CNNM2: variants seen among roughly 807,000 people sequenced by gnomAD.
CNNM2 encodes the protein metal transporter CNNM2.
Under a neutral mutation model 66.9 loss-of-function variants are expected in CNNM2, and 12 were observed. That is an observed-to-expected ratio of 0.18 (90% CI 0.11 to 0.29). The LOEUF (loss-of-function observed/expected upper bound fraction) is 0.29. CNNM2 is among the 10% of genes least tolerant of loss of function. The pLI is 1.00. For missense variants in CNNM2, 705 were observed against 1,167.7 expected (o/e 0.60, Z 5.77); for synonymous variants, 557 against 501.8 (o/e 1.11, Z -1.47).
intron 6 of CNNM2, among the ~76,000 whole-genome samples, chr10:103,072,843 T>C (rs1349697934): frequency 6.6e-6 from 1 of 152,228 alleles, no homozygotes; most frequent in African/African-American, 2.4e-5. Context: ...CTCTACTTGT[T>C]GTGAATCCTT....
At chr10:103,009,145 G>A (rs929494806) in intron 1 of CNNM2, among the ~76,000 whole-genome samples, 10 of 152,012 alleles carry the variant, frequency 6.6e-5, no homozygotes, top group Admixed American at 1.3e-4. Context: ...GTGTGGTGGC[G>A]CATGCCTGTT....
Position 103,056,797 on chromosome 10 carries a change from G to A in CNNM2, c.1906G>A (p.Val636Ile). 6.2e-7 allele frequency: 1 copy of A among 1,613,712 alleles called. No homozygotes were observed. Among genetic ancestry groups the A allele is most frequent in the Non-Finnish European group, 8.5e-7 (1 of 1,179,700 alleles). ...TCAAGTTGTGTTTATATCTATAGAA[G>A]TAGAAGCATTTAGCCCATCCCAGAT... is the stretch of plus-strand genomic sequence containing the variant. ...LAMHRFLATE[V>I]EAFSPSQMSE... Residue 636 changes from valine to isoleucine, a missense_variant and splice_region_variant, in exon 4 of 8, where the codon GTA becomes ATA. This residue lies in a region of CNNM2 where 171 missense variants were observed against 304.8 expected (regional missense o/e 0.56). Coordinates refer to ENST00000369878, the MANE Select transcript of CNNM2 (RefSeq NM_017649.5).
chr10:103,063,509 G>A (rs2065424227), intron 4 of CNNM2, among the ~76,000 whole-genome samples: 3 of 152,240 alleles, frequency 2.0e-5, no homozygotes, highest in African/African-American at 4.8e-5. Flanking sequence ...GTGTGGTTGT[G>A]CCCACGCTGG....
intron 6 of CNNM2, among the ~76,000 whole-genome samples, chr10:103,073,799 T>C (rs2065639686): frequency 7.0e-6 from 1 of 143,768 alleles, no homozygotes; most frequent in Admixed American, 7.3e-5. Context: ...GAAGCGGAAC[T>C]TGCAGTGAGC....
chr10:103,077,226 A>AG lies in CNNM2; in HGVS notation c.*49dup, dbSNP rs1554907227. ...CCAGGCCCGCACCCGCCCAGTCCCGAGGGCCCGGCCCTGTCTGCCCATGAC... is the reference window on the plus strand; with the variant it reads ...CCAGGCCCGCACCCGCCCAGTCCCGAGGGGCCCGGCCCTGTCTGCCCATGAC... On this transcript the variant is annotated 3_prime_UTR_variant, in exon 8 of 8. Transcript: ENST00000369878. 1 of 1,563,450 alleles carries AG rather than the reference A, an allele frequency of 6.4e-7. No homozygotes were observed. The highest frequency in any genetic ancestry group is 1.3e-5 in the African/African-American group (1 of 74,104).
rs10883820 is a variant in CNNM2, at chr10:103,004,904, C to A, written c.1622-44803C>A. On this transcript the variant is annotated intron_variant, in intron 1 of 7. Coordinates refer to ENST00000369878, the MANE Select transcript of CNNM2 (RefSeq NM_017649.5). The stretch of plus-strand genomic sequence containing the variant: ...TTTGGATTGTATTGAATCTGTAGAT[C>A]AACTTGAGAAAGAACTAGTGTTTCA... Among the ~76,000 whole-genome samples, 46,937 of 152,058 alleles carry A rather than the reference C, an allele frequency of 0.31. 7,401 individuals carry two copies. Among genetic ancestry groups the A allele is most frequent in the Middle Eastern group, 0.37 (109 of 294 alleles).
chr10:102,986,508 C>T (rs949496206), intron 1 of CNNM2, among the ~76,000 whole-genome samples: 10 of 152,114 alleles, frequency 6.6e-5, no homozygotes, highest in Admixed American at 1.3e-4. Flanking sequence ...TGTGGCTGGG[C>T]GCGGTGGCTC....
At chr10:102,927,406 T>G in intron 1 of CNNM2, 1 of 1,613,508 alleles carries the variant, frequency 6.2e-7, no homozygotes. Flanking sequence ...TAAGAAGCAT[T>G]CTTTCTTTCA....
chr10:102,939,822 T>C (rs1048736079), intron 1 of CNNM2, among the ~76,000 whole-genome samples: 2 of 151,788 alleles, frequency 1.3e-5, no homozygotes, highest in Non-Finnish European at 2.9e-5. Flanking sequence ...AATACAAAAA[T>C]CAGCTGGGCG....
chr10:103,025,003 A>C (rs184720025), intron 1 of CNNM2, among the ~76,000 whole-genome samples: 1 of 152,220 alleles, frequency 6.6e-6, no homozygotes, highest in Admixed American at 6.5e-5. Context: ...TAGGTGGTAC[A>C]TATGGTCTGG....
intron 1 of CNNM2, among the ~76,000 whole-genome samples, chr10:102,970,277 T>G (rs567383366): frequency 6.6e-6 from 1 of 152,362 alleles, no homozygotes; most frequent in African/African-American, 2.4e-5. Context: ...ATTGTGCCCC[T>G]GCACTCCAGT....
intron 1 of CNNM2, among the ~76,000 whole-genome samples, chr10:103,029,567 TA>T (rs2064781706): frequency 6.6e-6 from 1 of 151,694 alleles, no homozygotes; most frequent in Non-Finnish European, 1.5e-5. Context: ...CACAGAGGAC[TA>T]AAAATTCAGA....
intron 1 of CNNM2, among the ~76,000 whole-genome samples, chr10:103,006,730 G>A (rs566646816): frequency 6.6e-6 from 1 of 151,998 alleles, no homozygotes; most frequent in African/African-American, 2.4e-5. Flanking sequence ...TAGCTCAAGC[G>A]GTCCTCCTAC....
Position 103,003,985 on chromosome 10 carries a change from ATTTTTTTTTT to A in CNNM2, c.1622-45705_1622-45696del, listed in dbSNP as rs869152743. Among the ~76,000 whole-genome samples the A allele has an allele frequency of 6.3e-4, 53 of 83,998 alleles. 1 individual carries two copies. The East Asian group carries it at 0.02, about 31-fold the overall frequency. The allele number at this position is 83,998 out of a possible 152,430, so 55.1% of individuals were successfully genotyped here. A position where few individuals can be genotyped will look rare whatever the true frequency, so the allele number is the denominator to read the frequency against. On this transcript the variant is annotated intron_variant, in intron 1 of 7. Transcript: ENST00000369878. ...TGCTGAGTAGTACTCCATTGCATGAATTTTTTTTTTTTTTTTTTTTTTTTTTGAGATGGAG... is the reference window on the plus strand; with the variant it reads ...TGCTGAGTAGTACTCCATTGCATGAATTTTTTTTTTTTTTTTGAGATGGAG...
In CNNM2 at chr10:103,052,629, T is replaced by C. The variant is rs148882781; in HGVS notation, c.1766-1700T>C. Among the ~76,000 whole-genome samples the C allele has an allele frequency of 2.5e-3, 375 of 151,930 alleles. 2 individuals carry two copies. Among genetic ancestry groups the C allele is most frequent in the African/African-American group, 8.5e-3 (354 of 41,474 alleles). On this transcript the variant is annotated intron_variant, in intron 2 of 7. Transcript: ENST00000369878. ...CCTGGGTTCAAGGGAGTCTCCTGCC[T>C]CAGCCTCCTGAGTAGCTGGGATTAC...
intron 7 of CNNM2, 61 bp downstream of exon 7, chr10:103,076,331 A>G (rs978519042): frequency 1.3e-6 from 2 of 1,514,538 alleles, no homozygotes; most frequent in African/African-American, 2.8e-5. Context: ...TCCCTGGCAA[A>G]TTGTCTGTTT....
intron 1 of CNNM2, among the ~76,000 whole-genome samples, chr10:102,990,432 TAA>T (rs1364507549): frequency 6.6e-6 from 1 of 152,204 alleles, no homozygotes; most frequent in African/African-American, 2.4e-5. Context: ...TGGCTAAGGT[TAA>T]ACTGGCCAGT....
At chr10:102,937,534 T>C (rs1846280808) in intron 1 of CNNM2, among the ~76,000 whole-genome samples, 1 of 152,198 alleles carries the variant, frequency 6.6e-6, no homozygotes, top group Admixed American at 6.5e-5. Flanking sequence ...CTAGTCTTGA[T>C]TATTAAAAGG....
chr10:103,031,172 C>T (rs1445402060), intron 1 of CNNM2, among the ~76,000 whole-genome samples: 1 of 152,154 alleles, frequency 6.6e-6, no homozygotes, highest in Non-Finnish European at 1.5e-5. Context: ...TTCCAAGGCC[C>T]TGGGAAGACC....
Sources: gnomAD v4.1 joint callset for allele counts (sites outside exome capture counted in the v4.1 genomes callset) on GRCh38, gnomAD v4.1.1 for gene constraint, gnomAD v4.1.1 regional missense constraint, MANE v1.5 for transcripts, NCBI Gene and HGNC (gene_info 2026-07-23, HGNC 2026-07-21) for gene names.